The following USP42 variants were observed in gnomAD, a reference collection of about 807,000 sequenced individuals.
USP42 encodes the protein ubiquitin specific peptidase 42.
Under a neutral mutation model 113.0 loss-of-function variants are expected in USP42, and 23 were observed. The observed-to-expected ratio is 0.20, with a 90% CI of 0.15 to 0.29. The LOEUF is 0.29. USP42 is among the 10% of genes least tolerant of loss of function. USP42 has a pLI of 1.00. For missense variants in USP42, 2,174 were observed against 1,779.8 expected (o/e 1.22, Z -3.99); for synonymous variants, 933 against 699.0 (o/e 1.33, Z -5.28).
At chr7:6,089,170 G>A in the USP42 span, among the ~76,000 whole-genome samples, 17 of 150,160 alleles carry the variant, frequency 1.1e-4, no homozygotes, top group South Asian at 2.1e-3. Context: ...TCAGCCTCCC[G>A]AGTAGCTGGG....
At chr7:6,106,424 A>T (rs1779280970) in intron 1 of USP42, among the ~76,000 whole-genome samples, 1 of 152,248 alleles carries the variant, frequency 6.6e-6, no homozygotes, top group African/African-American at 2.4e-5. Context: ...AAGAAAGAAT[A>T]ATGCATTCTA....
intron 3 of USP42, among the ~76,000 whole-genome samples, chr7:6,131,143 A>G (rs1780829747): frequency 6.6e-6 from 1 of 152,074 alleles, no homozygotes; most frequent in Non-Finnish European, 1.5e-5. Context: ...TACCTCTAAG[A>G]ATTGGCTAGC....
chr7:6,112,846 C>G (rs1196394284), intron 2 of USP42, among the ~76,000 whole-genome samples: 1 of 151,730 alleles, frequency 6.6e-6, no homozygotes, highest in East Asian at 1.9e-4. Context: ...TTGGACACCC[C>G]CTGGCTTCGA....
At chr7:6,084,771 T>A in the USP42 span, 1 of 149,120 alleles carries the variant, frequency 6.7e-6, no homozygotes, top group African/African-American at 2.5e-5. Flanking sequence ...CAGCCTGGAG[T>A]GCAGTGGCAG....
In USP42 at chr7:6,116,709, A is replaced by G. The variant is rs1261354507; in HGVS notation, c.442+1186A>G. On this transcript the variant is annotated intron_variant, in intron 3 of 17. Coordinates refer to ENST00000306177, the MANE Select transcript of USP42 (RefSeq NM_032172.3). ...AAAAACTTAAAGAAACCAAAGAAAAATCACCTAGAATCTCACCACCTACCT... is the reference window on the plus strand; with the variant it reads ...AAAAACTTAAAGAAACCAAAGAAAAGTCACCTAGAATCTCACCACCTACCT... The G allele has an allele frequency of 1.2e-5, 6 of 491,430 alleles. No homozygotes were observed. The East Asian group carries it at 3.6e-4, about 29-fold the overall frequency. 30.4% of individuals were successfully genotyped at this position (491,430 alleles called of 1,614,324 possible). A position where few individuals can be genotyped will look rare whatever the true frequency, so the allele number is the denominator to read the frequency against.
chr7:6,147,228 T>G (rs1583664782), intron 11 of USP42, among the ~76,000 whole-genome samples: 1 of 152,128 alleles, frequency 6.6e-6, no homozygotes, highest in Non-Finnish European at 1.5e-5. Flanking sequence ...GGACACTAGA[T>G]TTTCCACAGT....
chr7:6,092,418 A>G, the USP42 span, among the ~76,000 whole-genome samples: 1 of 150,520 alleles, frequency 6.6e-6, no homozygotes, highest in Non-Finnish European at 1.5e-5. Flanking sequence ...ACCTCAGGGG[A>G]TCTGCCCACC....
rs1476925260 is a variant in USP42 at position 6,105,352 on chromosome 7, C to G, written c.-10+320C>G. 6.0e-5 allele frequency among the ~76,000 whole-genome samples: 9 copies of G among 148,766 alleles called. No individual in the cohort carries two copies. In the East Asian group the frequency reaches 1.6e-3, roughly 26 times the overall value. Reference sequence around the variant, plus strand: ...GCCATGGACACTGCGCTCCCACCCCCACCCGGCCCCAGCCCGCCCCTTCGG... The same window carrying G: ...GCCATGGACACTGCGCTCCCACCCCGACCCGGCCCCAGCCCGCCCCTTCGG... On this transcript the variant is annotated intron_variant, in intron 1 of 17. Transcript: ENST00000306177.
the USP42 span, among the ~76,000 whole-genome samples, chr7:6,098,592 C>G: frequency 6.7e-6 from 1 of 150,212 alleles, no homozygotes; most frequent in Non-Finnish European, 1.5e-5. Flanking sequence ...TTAACTGTCG[C>G]CCAGGCTGGA....
chr7:6,119,924 ACTC>A (rs531427317), intron 3 of USP42, among the ~76,000 whole-genome samples: 237 of 150,084 alleles, frequency 1.6e-3, no homozygotes, highest in African/African-American at 5.5e-3. Context: ...CTGGTCTTGA[ACTC>A]CTACGCTTAA....
At chr7:6,086,694 C>T in the USP42 span, among the ~76,000 whole-genome samples, 2 of 145,944 alleles carry the variant, frequency 1.4e-5, no homozygotes, top group Non-Finnish European at 3.0e-5. Flanking sequence ...TTCCCTTTCC[C>T]CTTTCCTTTC....
chr7:6,099,308 A>C, the USP42 span, among the ~76,000 whole-genome samples: 1 of 132,634 alleles, frequency 7.5e-6, no homozygotes, highest in Non-Finnish European at 1.5e-5. Flanking sequence ...TAGGCCTCCC[A>C]GGTTCAAGAG....
chr7:6,124,519 C>G (rs1780418387), intron 3 of USP42, among the ~76,000 whole-genome samples: 1 of 152,146 alleles, frequency 6.6e-6, no homozygotes, highest in Non-Finnish European at 1.5e-5. Flanking sequence ...CTGCCTCGGC[C>G]TCCCAAAGTG....
At chr7:6,131,522 A>G (rs2128495411) in intron 3 of USP42, among the ~76,000 whole-genome samples, 1 of 152,242 alleles carries the variant, frequency 6.6e-6, no homozygotes. Context: ...ACAGAAAAAA[A>G]TACACACAGA....
chr7:6,133,769 C>T (rs1041745694), intron 3 of USP42, among the ~76,000 whole-genome samples: 3 of 152,186 alleles, frequency 2.0e-5, no homozygotes, highest in African/African-American at 7.2e-5. Flanking sequence ...GTCCGCCTGC[C>T]TCAGCCTCCC....
At chr7:6,086,550 A>G in the USP42 span, among the ~76,000 whole-genome samples, 21 of 150,640 alleles carry the variant, frequency 1.4e-4, no homozygotes, top group Middle Eastern at 3.4e-3. Context: ...AGTTTTCACC[A>G]TGTTGGCCAT....
chr7:6,136,129 C>T (rs1217187680), intron 4 of USP42, among the ~76,000 whole-genome samples, 178 bp downstream of exon 4: 3 of 151,296 alleles, frequency 2.0e-5, no homozygotes, highest in Non-Finnish European at 4.4e-5. Flanking sequence ...CTCAGCCTCT[C>T]GAGTAGCTGA....
At chr7:6,099,962 C>CAAA (rs78427438), upstream of USP42, among the ~76,000 whole-genome samples, 1 of 134,612 alleles carries the variant, frequency 7.4e-6, no homozygotes, top group Non-Finnish European at 1.6e-5. Flanking sequence ...GACTCCCTCT[C>CAAA]AAAAAAAAAA....
Position 6,150,488 on chromosome 7 carries a change from G to C in USP42, c.2183G>C (p.Gly728Ala), listed in dbSNP as rs199521734. The C allele has an allele frequency of 6.2e-6, 10 of 1,613,842 alleles. No homozygotes were observed. Among genetic ancestry groups the C allele is most frequent in the African/African-American group, 1.3e-5 (1 of 74,922 alleles). The change falls in exon 14 of 18, where the codon GGC (glycine) becomes GCC (alanine). Residue 728 changes from glycine to alanine, a missense_variant. Transcript: ENST00000306177. ...ETFRLSNKLK[G>A]STDEMSAPGA... is the part of the protein sequence containing the mutation. ...TTCAGGCTTAGCAACAAACTGAAAG[G>C]CTCGACGGATGAAATGAGGTAACGT...
Sources: gnomAD v4.1 joint callset for allele counts (sites outside exome capture counted in the v4.1 genomes callset) on GRCh38, gnomAD v4.1.1 for gene constraint, MANE v1.5 for transcripts, NCBI Gene and HGNC (gene_info 2026-07-23, HGNC 2026-07-21) for gene names.